CHP1: variants seen among roughly 807,000 people sequenced by gnomAD.
CHP1 encodes the protein calcineurin B homologous protein 1.
A neutral mutation model predicts 27.4 loss-of-function variants in CHP1; 11 were observed. That is an observed-to-expected ratio of 0.40 (90% CI 0.25 to 0.67). CHP1 has a LOEUF of 0.67. Ranked by LOEUF, CHP1 falls within the 30% of genes least tolerant of loss-of-function variation. The pLI is 0.38. For synonymous variants in CHP1, 89 were observed against 87.4 expected (o/e 1.02, Z -0.10); for missense variants, 169 against 251.3 (o/e 0.67, Z 2.22).
In CHP1 at chr15:41,279,636, A is replaced by G; in HGVS notation, c.*247A>G. ...CACTAGTTCTTCATTTATAAATATC[A>G]TCTTCCCCATTCTGCTGCTGAATGC... On this transcript the variant is annotated 3_prime_UTR_variant, in exon 7 of 7. Coordinates refer to ENST00000334660, the MANE Select transcript of CHP1 (RefSeq NM_007236.5). 2.3e-6 allele frequency: 1 copy of G among 436,240 alleles called. No homozygotes were observed. The highest frequency in any genetic ancestry group is 3.7e-5 in the East Asian group (1 of 27,388). The allele number at this position is 436,240 out of a possible 1,614,324, so 27.0% of individuals were successfully genotyped here.
At chr15:41,256,465 G>T (rs2047401098) in intron 2 of CHP1, among the ~76,000 whole-genome samples, 2 of 152,160 alleles carry the variant, frequency 1.3e-5, no homozygotes, top group African/African-American at 4.8e-5. Flanking sequence ...CTTGCATTTT[G>T]TAAGTGCCTA....
intron 2 of CHP1, among the ~76,000 whole-genome samples, chr15:41,253,921 A>G (rs1286827600): frequency 2.0e-5 from 3 of 150,416 alleles, no homozygotes; most frequent in Non-Finnish European, 3.0e-5. Context: ...AGTAGCTGGG[A>G]CTACAGGCAC....
At chr15:41,238,252 G>A (rs990047412) in intron 1 of CHP1, among the ~76,000 whole-genome samples, 4 of 151,716 alleles carry the variant, frequency 2.6e-5, no homozygotes, top group African/African-American at 7.3e-5. Context: ...TGAACTCCTG[G>A]GCTGAAACAG....
chr15:41,257,530 C>A (rs917522570), intron 3 of CHP1, among the ~76,000 whole-genome samples: 6 of 151,026 alleles, frequency 4.0e-5, no homozygotes, highest in Non-Finnish European at 7.4e-5. Context: ...CATATATAAT[C>A]AATATTAAAA....
At chr15:41,274,860 A>T (rs1005368303) in intron 5 of CHP1, among the ~76,000 whole-genome samples, 1 of 142,910 alleles carries the variant, frequency 7.0e-6, no homozygotes, top group African/African-American at 2.6e-5. Flanking sequence ...GCATGATCTC[A>T]GCTCACTGCG....
intron 3 of CHP1, 97 bp from the exon 4 acceptor site, chr15:41,262,659 A>T: frequency 2.7e-6 from 4 of 1,469,484 alleles, no homozygotes; most frequent in Non-Finnish European, 3.7e-6. Context: ...ATGACCTTTC[A>T]GGCTACCGTA....
At chr15:41,260,959 C>T (rs931028306) in intron 3 of CHP1, among the ~76,000 whole-genome samples, 1 of 151,688 alleles carries the variant, frequency 6.6e-6, no homozygotes, top group African/African-American at 2.4e-5. Context: ...TCTCGGCTCA[C>T]GCAACTTCTG....
intron 2 of CHP1, among the ~76,000 whole-genome samples, chr15:41,253,883 C>G (rs2047384546): frequency 6.6e-6 from 1 of 152,012 alleles, no homozygotes; most frequent in African/African-American, 2.4e-5. Flanking sequence ...CTTCTAGGCT[C>G]AAACAATCCT....
intron 1 of CHP1, among the ~76,000 whole-genome samples, chr15:41,232,878 A>G (rs1350055416): frequency 6.6e-6 from 1 of 152,102 alleles, no homozygotes; most frequent in Non-Finnish European, 1.5e-5. Context: ...TGACAAGTTC[A>G]ACTTTCTGGA....
chr15:41,275,122 A>G (rs1014068923), intron 5 of CHP1, among the ~76,000 whole-genome samples: 4 of 151,844 alleles, frequency 2.6e-5, no homozygotes, highest in African/African-American at 9.7e-5. Flanking sequence ...CTATTGGGGT[A>G]CATTTGTACC....
chr15:41,263,720 C>T (rs980025634), intron 4 of CHP1, among the ~76,000 whole-genome samples: 3 of 151,912 alleles, frequency 2.0e-5, no homozygotes, highest in African/African-American at 4.8e-5. Flanking sequence ...AATAAAAATA[C>T]AAAAATTAGC....
At chr15:41,244,289 A>G (rs750390832) in intron 2 of CHP1, among the ~76,000 whole-genome samples, 7 of 151,454 alleles carry the variant, frequency 4.6e-5, no homozygotes, top group Admixed American at 3.9e-4. Flanking sequence ...TTAGGTGGCC[A>G]TTGTTCTGAT....
intron 5 of CHP1, among the ~76,000 whole-genome samples, chr15:41,271,397 C>T (rs1354722048): frequency 6.6e-6 from 1 of 151,996 alleles, no homozygotes; most frequent in African/African-American, 2.4e-5. Context: ...CACTGCACTC[C>T]AGCCTGAGCG....
In CHP1 at chr15:41,274,460, T is replaced by C. The variant is rs1339663319; in HGVS notation, c.411+3842T>C. On this transcript the variant is annotated intron_variant, in intron 5 of 6. Transcript: ENST00000334660. ...TTTTTTGAGACAGTCTCACTACATT[T>C]CCCAGGCTGGCTTGAATGCTTAGGC... Among the ~76,000 whole-genome samples the C allele has an allele frequency of 2.0e-5, 3 of 152,094 alleles. No homozygotes were observed. In the East Asian group the frequency reaches 5.8e-4, roughly 29 times the overall value.
At chr15:41,232,769 AC>A (rs2047258734) in intron 1 of CHP1, among the ~76,000 whole-genome samples, 1 of 152,132 alleles carries the variant, frequency 6.6e-6, no homozygotes, top group African/African-American at 2.4e-5. Flanking sequence ...TAATGACATG[AC>A]CAGTAACTCA....
chr15:41,266,437 G>A (rs1296934153), intron 4 of CHP1, among the ~76,000 whole-genome samples: 3 of 151,936 alleles, frequency 2.0e-5, no homozygotes, highest in African/African-American at 7.2e-5. Context: ...GAGGTCTACA[G>A]GTTTTCCTTC....
chr15:41,276,196 G>A (rs529819623), intron 5 of CHP1, among the ~76,000 whole-genome samples: 14 of 150,702 alleles, frequency 9.3e-5, no homozygotes, highest in African/African-American at 3.4e-4. Flanking sequence ...AGCCAAGATC[G>A]TGCCATTGCA....
In CHP1 at chr15:41,259,990, A is replaced by G. The variant is rs141293452; in HGVS notation, c.222-2766A>G. On this transcript the variant is annotated intron_variant, in intron 3 of 6. Transcript: ENST00000334660. ...GGTGATCCGCCCGCCCCGGCCTCCC[A>G]GAGTGCTGGGATTATGGGCGTGAGC... 1.4e-3 allele frequency among the ~76,000 whole-genome samples: 220 copies of G among 152,310 alleles called. 1 individual carries two copies. The highest frequency in any genetic ancestry group is 5.0e-3 in the African/African-American group (209 of 41,578).
intron 2 of CHP1, among the ~76,000 whole-genome samples, chr15:41,251,877 G>T (rs570572020): frequency 6.6e-6 from 1 of 151,232 alleles, no homozygotes; most frequent in East Asian, 2.0e-4. Flanking sequence ...TCCTGGGTTG[G>T]GATTACAGGC....
Sources: allele counts gnomAD v4.1 joint callset (sites outside exome capture counted in the v4.1 genomes callset), GRCh38; gene constraint gnomAD v4.1.1; transcripts MANE v1.5; gene names NCBI Gene and HGNC (gene_info 2026-07-23, HGNC 2026-07-21).